Variants in NRCAM observed in about 807,000 individuals in gnomAD.
NRCAM encodes the protein NgCAM-related cell adhesion molecule.
A neutral mutation model predicts 156.5 loss-of-function variants in NRCAM; 83 were observed. That is an observed-to-expected ratio of 0.53 (90% confidence interval 0.44 to 0.64). NRCAM has a LOEUF of 0.64. NRCAM is among the 30% of genes least tolerant of loss of function. NRCAM has a pLI of 0.00. For missense variants in NRCAM, 1,417 were observed against 1,597.3 expected, an observed-to-expected ratio of 0.89 and a Z score of 1.92; for synonymous variants, 538 against 563.9, an observed-to-expected ratio of 0.95 and a Z score of 0.65.
At chr7:108,403,198 CTTT>C (rs1381280870) in intron 1 of NRCAM, among the ~76,000 whole-genome samples, 1 of 152,150 alleles carries the variant, frequency 6.6e-6, no homozygotes, top group Non-Finnish European at 1.5e-5. Flanking sequence ...TTTTGTAGGT[CTTT>C]TTGTTAGAAA....
chr7:108,324,326 T>C (rs1321344760), intron 2 of NRCAM, among the ~76,000 whole-genome samples: 1 of 152,240 alleles, frequency 6.6e-6, no homozygotes, highest in Non-Finnish European at 1.5e-5. Flanking sequence ...ACCCTTCTTC[T>C]CTAACTGTGG....
At chr7:108,280,300 A>G (rs1360074251) in intron 3 of NRCAM, among the ~76,000 whole-genome samples, 1 of 149,830 alleles carries the variant, frequency 6.7e-6, no homozygotes, top group Non-Finnish European at 1.5e-5. Flanking sequence ...AAACAGGAAG[A>G]GGCTTCATAT....
At chr7:108,424,452 T>G (rs1563748552) in intron 1 of NRCAM, among the ~76,000 whole-genome samples, 7 of 152,180 alleles carry the variant, frequency 4.6e-5, no homozygotes, top group Admixed American at 3.3e-4. Flanking sequence ...ACTAATCATT[T>G]GAATAAAGGG....
intron 30 of NRCAM, among the ~76,000 whole-genome samples, chr7:108,166,239 CTTTCT>C (rs1231847068): frequency 1.7e-4 from 25 of 144,738 alleles, no homozygotes; most frequent in African/African-American, 6.4e-4. Flanking sequence ...TTGTGACTTT[CTTTCT>C]TTTCTTTTTT....
intron 30 of NRCAM, among the ~76,000 whole-genome samples, chr7:108,162,351 A>G (rs1210219041): frequency 6.6e-6 from 1 of 152,216 alleles, no homozygotes; most frequent in African/African-American, 2.4e-5. Context: ...TTGGCAACAT[A>G]TTTCTTTCAA....
chr7:108,219,659 T>C (rs2091382246), intron 11 of NRCAM, among the ~76,000 whole-genome samples: 1 of 152,074 alleles, frequency 6.6e-6, no homozygotes. Context: ...ATCCCTTTAT[T>C]ATTAAAACTT....
At chr7:108,276,980 T>G (rs1038055239) in intron 3 of NRCAM, among the ~76,000 whole-genome samples, 2 of 152,170 alleles carry the variant, frequency 1.3e-5, no homozygotes, top group African/African-American at 4.8e-5. Context: ...ATTTTATGTC[T>G]CCTTCACTTT....
chr7:108,304,289 T>A (rs1214930960), intron 3 of NRCAM, among the ~76,000 whole-genome samples: 1 of 152,224 alleles, frequency 6.6e-6, no homozygotes, highest in Non-Finnish European at 1.5e-5. Flanking sequence ...GTCATAAACC[T>A]TGGTTAGTCT....
intron 2 of NRCAM, among the ~76,000 whole-genome samples, chr7:108,315,622 C>A (rs1397007635): frequency 6.6e-6 from 1 of 152,202 alleles, no homozygotes; most frequent in Non-Finnish European, 1.5e-5. Context: ...GGAACACAGG[C>A]CCCTAACTTC....
At chr7:108,193,816 A>G (rs1452322944) in intron 17 of NRCAM, among the ~76,000 whole-genome samples, 1 of 152,206 alleles carries the variant, frequency 6.6e-6, no homozygotes. Context: ...AAGATAGACA[A>G]ACATTCTCAG....
At chr7:108,197,015 A>G (rs1247284942) in intron 14 of NRCAM, among the ~76,000 whole-genome samples, 3 of 152,146 alleles carry the variant, frequency 2.0e-5, no homozygotes, top group East Asian at 3.8e-4. Context: ...ATCCAGCCTT[A>G]AAAAAGAAGG....
intron 2 of NRCAM, among the ~76,000 whole-genome samples, chr7:108,325,071 G>T (rs1438851843): frequency 1.3e-5 from 2 of 151,788 alleles, no homozygotes; most frequent in East Asian, 3.9e-4. Flanking sequence ...GTAGCGGCAA[G>T]GGCTACTACT....
intron 2 of NRCAM, among the ~76,000 whole-genome samples, chr7:108,347,909 G>C (rs2099377215): frequency 6.6e-6 from 1 of 152,010 alleles, no homozygotes; most frequent in South Asian, 2.1e-4. Context: ...TATTTACTCT[G>C]CCTAAACCCG....
chr7:108,266,435 A>G (rs2154021822), intron 3 of NRCAM, among the ~76,000 whole-genome samples: 1 of 152,334 alleles, frequency 6.6e-6, no homozygotes, highest in Non-Finnish European at 1.5e-5. Context: ...TCTTACCCAG[A>G]TGAGGCTTAT....
intron 1 of NRCAM, among the ~76,000 whole-genome samples, chr7:108,412,907 A>T (rs1797202302): frequency 1.3e-5 from 2 of 152,164 alleles, no homozygotes; most frequent in Admixed American, 1.3e-4. Flanking sequence ...ATAGTATTCT[A>T]TTGTATATAT....
intron 3 of NRCAM, among the ~76,000 whole-genome samples, chr7:108,299,114 A>AAAAAAAAAAAGAAAG: frequency 3.9e-5 from 1 of 25,516 alleles, no homozygotes; most frequent in Non-Finnish European, 8.0e-5. Context: ...TCAAAAAAAA[A>AAAAAAAAAAAGAAAG]AAAGAAAGAA....
At chr7:108,395,484 T>C (rs2099774188) in intron 2 of NRCAM, among the ~76,000 whole-genome samples, 1 of 152,220 alleles carries the variant, frequency 6.6e-6, no homozygotes. Context: ...CTCTTTCTTT[T>C]TAAAACCCCA....
chr7:108,364,851 G>A (rs1418710098), intron 2 of NRCAM, among the ~76,000 whole-genome samples: 3 of 152,102 alleles, frequency 2.0e-5, no homozygotes, highest in Non-Finnish European at 4.4e-5. Context: ...AGAATGGGGA[G>A]TGACTGTGTA....
chr7:108,385,540 C>A (rs2099737728), intron 2 of NRCAM, among the ~76,000 whole-genome samples: 1 of 152,180 alleles, frequency 6.6e-6, no homozygotes. Context: ...GTGGGATCTC[C>A]AATGAATTAG....
Sources: gnomAD v4.1 joint callset for allele counts (sites outside exome capture counted in the v4.1 genomes callset) on GRCh38, gnomAD v4.1.1 for gene constraint, MANE v1.5 for transcripts, NCBI Gene and HGNC (gene_info 2026-07-23, HGNC 2026-07-21) for gene names.